Variants in UBE4B observed in about 807,000 individuals in gnomAD.
UBE4B encodes ubiquitination factor E4B.
In UBE4B, 27 loss-of-function variants were observed where a neutral mutation model predicts 148.1. The ratio of observed to expected loss-of-function variants is 0.18; its 90% CI spans 0.13 to 0.25. The LOEUF (loss-of-function observed/expected upper bound fraction) is 0.25. UBE4B is among the 10% of genes least tolerant of loss of function. The pLI, the probability that UBE4B is intolerant of heterozygous loss-of-function variation, is 1.00. For missense variants in UBE4B, 1,170 were observed against 1,662.4 expected, an observed-to-expected ratio of 0.70 and a Z score of 5.15; for synonymous variants, 596 against 619.3, an observed-to-expected ratio of 0.96 and a Z score of 0.56.
At chr1:10,177,622 C>T (rs1008162281) in intron 25 of UBE4B, among the ~76,000 whole-genome samples, 3 of 152,128 alleles carry the variant, frequency 2.0e-5, no homozygotes, top group African/African-American at 4.8e-5. Flanking sequence ...CACCACTGCA[C>T]TCCAGCCTGA....
intron 25 of UBE4B, among the ~76,000 whole-genome samples, chr1:10,171,667 G>A (rs1421087197): frequency 1.3e-5 from 2 of 152,214 alleles, no homozygotes; most frequent in Non-Finnish European, 2.9e-5. Flanking sequence ...AGATCAAGAG[G>A]TCAGGAGTTT....
rs987125312 is a variant in UBE4B at position 10,180,746 on chromosome 1, G to A, written c.*790G>A. On this transcript the variant is annotated 3_prime_UTR_variant, in exon 28 of 28. Coordinates refer to ENST00000343090, the MANE Select transcript of UBE4B (RefSeq NM_001105562.3). ...GAGGAGCAGCTGCAGCAAAATCTAG[G>A]GGTGTAAGTGTATCAGGACTTATGT... The A allele has an allele frequency of 3.3e-5, 5 of 152,186 alleles. No homozygotes were observed. Among genetic ancestry groups the A allele is most frequent in the African/African-American group, 7.3e-5 (3 of 41,352 alleles). 9.4% of individuals were successfully genotyped at this position (152,186 alleles called of 1,614,324 possible). A position where few individuals can be genotyped will look rare whatever the true frequency, so the allele number is the denominator to read the frequency against.
At chr1:10,150,590 A>C (rs189240629) in intron 20 of UBE4B, among the ~76,000 whole-genome samples, 1 of 152,194 alleles carries the variant, frequency 6.6e-6, no homozygotes, top group Non-Finnish European at 1.5e-5. Context: ...GGCTGGGTGC[A>C]ATGGCTCATG....
At chr1:10,078,341 C>A (rs905942085) in intron 2 of UBE4B, among the ~76,000 whole-genome samples, 6 of 152,070 alleles carry the variant, frequency 3.9e-5, no homozygotes, top group Admixed American at 3.3e-4. Context: ...AAATGTAGGG[C>A]TTACTGCAGG....
rs576740925 is a variant in UBE4B, at chr1:10,106,764, A to G, written c.1196+181A>G. 2.2e-4 allele frequency among the ~76,000 whole-genome samples: 34 copies of G among 152,254 alleles called. No individual in the cohort carries two copies. The highest frequency in any genetic ancestry group is 7.7e-4 in the African/African-American group (32 of 41,550). On this transcript the variant is annotated intron_variant, in intron 7 of 27. Transcript: ENST00000343090. This position sits in a 1 kb window ranked among gnomAD's most constrained non-coding sequence, Gnocchi z 4.2. ...GAGTCCATGCTTCTGCCAGGCTCTA[A>G]TCATGCTGGAAAGTTTGGGTTGCTC... is the stretch of plus-strand genomic sequence containing the variant.
chr1:10,073,824 C>G (rs569232545), intron 2 of UBE4B, among the ~76,000 whole-genome samples: 1 of 152,110 alleles, frequency 6.6e-6, no homozygotes, highest in South Asian at 2.1e-4. Context: ...TTCACTCACT[C>G]TGCTGATCTG....
rs1381832421 is a variant in UBE4B, at chr1:10,180,864, A to G, written c.*908A>G. ...ACAGTTATCCTCTGGGGGTAAATCA[A>G]TTCTTCAACCCTTGGGTGTGTGAGT... On this transcript the variant is annotated 3_prime_UTR_variant, in exon 28 of 28. Transcript: ENST00000343090. 4 of 152,284 alleles carry G rather than the reference A, an allele frequency of 2.6e-5. No individual in the cohort carries two copies. The highest frequency in any genetic ancestry group is 4.4e-5 in the Non-Finnish European group (3 of 67,984). 9.4% of individuals were successfully genotyped at this position (152,284 alleles called of 1,614,324 possible). A position where few individuals can be genotyped will look rare whatever the true frequency, so the allele number is the denominator to read the frequency against.
chr1:10,066,738 T>C (rs938058565), intron 1 of UBE4B, among the ~76,000 whole-genome samples: 9 of 151,846 alleles, frequency 5.9e-5, no homozygotes, highest in Non-Finnish European at 1.0e-4. Flanking sequence ...AAACCTCGAC[T>C]CTACTAAAAA....
At chr1:10,122,345 C>T (rs536997523) in intron 10 of UBE4B, among the ~76,000 whole-genome samples, 25 of 152,202 alleles carry the variant, frequency 1.6e-4, no homozygotes, top group Non-Finnish European at 3.1e-4. Flanking sequence ...TGTAAGGCCC[C>T]GTTCCTGATT....
chr1:10,177,887 T>G (rs556639219), intron 25 of UBE4B, among the ~76,000 whole-genome samples: 1 of 152,124 alleles, frequency 6.6e-6, no homozygotes, highest in African/African-American at 2.4e-5. Flanking sequence ...CATTTTACAC[T>G]CAAAGAACCT....
At chr1:10,109,768 A>G (rs1645188121) in intron 7 of UBE4B, among the ~76,000 whole-genome samples, 1 of 152,032 alleles carries the variant, frequency 6.6e-6, no homozygotes, top group Non-Finnish European at 1.5e-5. Context: ...CTCGTGCCTC[A>G]GCCTCCCAAG....
At chr1:10,035,667 A>G (rs1643491401) in intron 1 of UBE4B, among the ~76,000 whole-genome samples, 2 of 149,968 alleles carry the variant, frequency 1.3e-5, no homozygotes, top group Non-Finnish European at 3.0e-5. Flanking sequence ...CGGCCTCCCA[A>G]AGTGCTGGGA....
intron 1 of UBE4B, among the ~76,000 whole-genome samples, chr1:10,035,147 C>T (rs1212106400): frequency 1.3e-5 from 2 of 151,384 alleles, no homozygotes; most frequent in African/African-American, 2.4e-5. Context: ...TACAGGCGCC[C>T]GCTACCACGC....
intron 3 of UBE4B, among the ~76,000 whole-genome samples, chr1:10,098,918 A>G (rs1644967969): frequency 6.6e-6 from 1 of 152,212 alleles, no homozygotes; most frequent in African/African-American, 2.4e-5. Context: ...AATGGAAGAA[A>G]CAACAGTAAT....
In UBE4B at chr1:10,111,442, T is replaced by C. The variant is rs187609127; in HGVS notation, c.1196+4859T>C. 3.9e-5 allele frequency among the ~76,000 whole-genome samples: 6 copies of C among 152,188 alleles called. No individual in the cohort carries two copies. In the East Asian group the frequency reaches 1.2e-3, roughly 29 times the overall value. ...AGCTGTATGGCCGGCTCCCTCACTC[T>C]CCTCAGGTCTATCAGAGGGTGGCCA... On this transcript the variant is annotated intron_variant, in intron 7 of 27. Coordinates refer to ENST00000343090, the MANE Select transcript of UBE4B (RefSeq NM_001105562.3).
chr1:10,038,279 T>C (rs1643619624), intron 1 of UBE4B, among the ~76,000 whole-genome samples: 2 of 134,308 alleles, frequency 1.5e-5, no homozygotes, highest in African/African-American at 2.8e-5. Flanking sequence ...AAACTCCATC[T>C]CAAAAAAAAA....
intron 7 of UBE4B, among the ~76,000 whole-genome samples, chr1:10,117,102 G>A (rs1645324824): frequency 6.6e-6 from 1 of 152,304 alleles, no homozygotes; most frequent in African/African-American, 2.4e-5. Context: ...TACAGCAGTA[G>A]CATAGTCTGG....
rs770092676 is a variant in UBE4B at position 10,106,193 on chromosome 1, T to C, written c.810-4T>C. On this transcript the variant is annotated splice_region_variant and splice_polypyrimidine_tract_variant and intron_variant, in intron 6 of 27. Coordinates refer to ENST00000343090, the MANE Select transcript of UBE4B (RefSeq NM_001105562.3). This position sits in a 1 kb window ranked among gnomAD's most constrained non-coding sequence, Gnocchi z 4.2. The stretch of plus-strand genomic sequence containing the variant: ...TTCTTTCCTCCCTTTCTCAACTAAT[T>C]TAGCCTCTATGAAAGTAGTCCGGCT... 2.5e-6 allele frequency: 4 copies of C among 1,580,772 alleles called. No individual in the cohort carries two copies. The South Asian group carries it at 4.5e-5, about 18-fold the overall frequency.
At chr1:10,150,418 T>TA (rs953667647) in intron 20 of UBE4B, among the ~76,000 whole-genome samples, 40 of 151,882 alleles carry the variant, frequency 2.6e-4, no homozygotes, top group African/African-American at 8.4e-4. Context: ...CAGCAGAGAT[T>TA]AAAAAAAAAC....
Sources: allele counts gnomAD v4.1 joint callset (sites outside exome capture counted in the v4.1 genomes callset), GRCh38; gene constraint gnomAD v4.1.1; non-coding constraint Gnocchi (gnomAD v3.1); transcripts MANE v1.5; gene names NCBI Gene and HGNC (gene_info 2026-07-23, HGNC 2026-07-21).